Variants in DHRS9 observed in about 807,000 individuals in gnomAD.
The protein encoded by DHRS9 is dehydrogenase/reductase 9, also known as dehydrogenase/reductase SDR family member 9.
Under a neutral mutation model 26.6 loss-of-function variants are expected in DHRS9, and 18 were observed. The ratio of observed to expected loss-of-function variants is 0.68; its 90% confidence interval spans 0.47 to 1.00. The LOEUF is 1.00. Among genes scored for constraint, DHRS9 ranks in the 50% least tolerant of loss-of-function variants. DHRS9 has a pLI of 0.00. For synonymous variants in DHRS9, 134 were observed against 141.1 expected, an observed-to-expected ratio of 0.95 and a Z score of 0.36; for missense variants, 425 against 378.7, an observed-to-expected ratio of 1.12 and a Z score of -1.01.
At chr2:169,080,367 C>G (rs1684145267) in intron 1 of DHRS9, among the ~76,000 whole-genome samples, 1 of 152,234 alleles carries the variant, frequency 6.6e-6, no homozygotes, top group Admixed American at 6.5e-5. Flanking sequence ...AGACCTGCTC[C>G]TCTGTGGGGA....
chr2:169,095,862 T>C lies in DHRS9; in HGVS notation c.*95T>C. ...ACCCCATTCCTTATCTGCTCCAACCTGGACTCATTTAGATCGTGCTTATTT... is the reference window on the plus strand; with the variant it reads ...ACCCCATTCCTTATCTGCTCCAACCCGGACTCATTTAGATCGTGCTTATTT... On this transcript the variant is annotated 3_prime_UTR_variant, in exon 5 of 5. Transcript: ENST00000674881. 2 of 1,120,254 alleles carry C rather than the reference T, an allele frequency of 1.8e-6. No individual in the cohort carries two copies. Among genetic ancestry groups the C allele is most frequent in the Non-Finnish European group, 2.6e-6 (2 of 763,192 alleles). 69.4% of individuals were successfully genotyped at this position (1,120,254 alleles called of 1,614,324 possible). A position where few individuals can be genotyped will look rare whatever the true frequency, so the allele number is the denominator to read the frequency against.
chr2:169,070,834 G>A, intron 1 of DHRS9: 1 of 746,896 alleles, frequency 1.3e-6, no homozygotes, highest in Non-Finnish European at 1.6e-6. Context: ...GGAGGCCGAG[G>A]CCGGCGGATC....
chr2:169,092,331 C>A (rs912499774), intron 4 of DHRS9, among the ~76,000 whole-genome samples: 3 of 152,196 alleles, frequency 2.0e-5, no homozygotes, highest in Non-Finnish European at 4.4e-5. Flanking sequence ...CTTTGCCATA[C>A]CTCCTCTTTT....
At chr2:169,074,412 T>G (rs771693774) in intron 1 of DHRS9, 4 of 985,360 alleles carry the variant, frequency 4.1e-6, no homozygotes, top group Non-Finnish European at 4.8e-6. Context: ...TTAAGCAATT[T>G]GTTGTGCGAT....
rs1357937545 is a variant in DHRS9, at chr2:169,079,912, AGGGAGGGG to A, written c.-59-1609_-59-1602del. Among the ~76,000 whole-genome samples, 37 of 64,362 alleles carry A rather than the reference AGGGAGGGG, an allele frequency of 5.7e-4. 2 individuals carry two copies. The highest frequency in any genetic ancestry group is 3.1e-3 in the African/African-American group (34 of 11,076). The allele number at this position is 64,362 out of a possible 152,430, so 42.2% of individuals were successfully genotyped here. ...GAGAGAGAGAGGGAGGGAGGGAGGG[AGGGAGGGG>A]GAGAGAGAGAGAGAGAGAGAGAGAG... is the stretch of plus-strand genomic sequence containing the variant. On this transcript the variant is annotated intron_variant, in intron 1 of 4. Coordinates refer to ENST00000674881, the MANE Select transcript of DHRS9 (RefSeq NM_001376924.1).
chr2:169,086,205 T>G (rs968974113), intron 3 of DHRS9, among the ~76,000 whole-genome samples: 2 of 152,188 alleles, frequency 1.3e-5, no homozygotes, highest in African/African-American at 4.8e-5. Context: ...ACTGTGTGTT[T>G]TCAAATAGCC....
chr2:169,071,355 A>G (rs1683799689), intron 1 of DHRS9, among the ~76,000 whole-genome samples: 1 of 152,216 alleles, frequency 6.6e-6, no homozygotes, highest in African/African-American at 2.4e-5. Flanking sequence ...TAAACCTAGG[A>G]GGGACTTGGG....
At position 169,091,804 on chromosome 2, in the gene DHRS9, CT is replaced by C. The variant is rs1684536357; in HGVS notation, c.591del (p.Phe197LeufsTer21). ...FNDSLRRDMK[A>X]FGVHVSCIEP... ...TCTTTTCACAGACGGGACATGAAAG[CT>C]TTTGGTGTGCACGTCTCATGCATTG... On this transcript the variant is annotated frameshift_variant, in exon 4 of 5. Transcript: ENST00000674881. LOFTEE classifies it high-confidence loss of function. The C allele has an allele frequency of 3.1e-6, 5 of 1,611,384 alleles. No individual in the cohort carries two copies. The East Asian group carries it at 1.1e-4, about 36-fold the overall frequency.
At chr2:169,082,358 G>A (rs1256933518) in intron 2 of DHRS9, among the ~76,000 whole-genome samples, 1 of 152,174 alleles carries the variant, frequency 6.6e-6, no homozygotes, top group African/African-American at 2.4e-5. Context: ...ATTTGAGTAT[G>A]AGTGTCTTAC....
rs1045711913 is a variant in DHRS9, at chr2:169,095,878, G to C, written c.*111G>C. 9 of 986,682 alleles carry C rather than the reference G, an allele frequency of 9.1e-6. No homozygotes were observed. In the East Asian group the frequency reaches 2.4e-4, roughly 26 times the overall value. The allele number at this position is 986,682 out of a possible 1,614,324, so 61.1% of individuals were successfully genotyped here. On this transcript the variant is annotated 3_prime_UTR_variant, in exon 5 of 5. Coordinates refer to ENST00000674881, the MANE Select transcript of DHRS9 (RefSeq NM_001376924.1). ...GCTCCAACCTGGACTCATTTAGATC[G>C]TGCTTATTTGGATTGCAAAAGGGAG...
chr2:169,070,227 TG>T (rs1683757704), intron 1 of DHRS9: 1 of 985,390 alleles, frequency 1.0e-6, no homozygotes, highest in South Asian at 4.7e-5. Context: ...AAAAATGCCT[TG>T]TAGGTCATAA....
At position 169,079,896 on chromosome 2, in the gene DHRS9, AGG is replaced by A. The variant is rs1491241936; in HGVS notation, c.-59-1625_-59-1624del. On this transcript the variant is annotated intron_variant, in intron 1 of 4. Coordinates refer to ENST00000674881, the MANE Select transcript of DHRS9 (RefSeq NM_001376924.1). The stretch of plus-strand genomic sequence containing the variant: ...AAGAAAGAAAGAAAGAGAGAGAGAG[AGG>A]GAGGGAGGGAGGGAGGGAGGGGGAG... 3.7e-4 allele frequency among the ~76,000 whole-genome samples: 26 copies of A among 70,040 alleles called. 3 individuals carry two copies. Among genetic ancestry groups the A allele is most frequent in the African/African-American group, 6.9e-4 (8 of 11,580 alleles). 45.9% of individuals were successfully genotyped at this position (70,040 alleles called of 152,430 possible).
rs1684153279 is a variant in DHRS9, at chr2:169,080,625, T to TAAA, written c.-59-897_-59-896insAAA. Among the ~76,000 whole-genome samples the TAAA allele has an allele frequency of 2.0e-5, 3 of 152,360 alleles. No homozygotes were observed. In the South Asian group the frequency reaches 6.2e-4, roughly 32 times the overall value. ...TGAAGAAAAAGGAAAGAAAGCCCTC[T>TAAA]ACCTGCCTGATTTTAGGCCCTAGGC... On this transcript the variant is annotated intron_variant, in intron 1 of 4. Coordinates refer to ENST00000674881, the MANE Select transcript of DHRS9 (RefSeq NM_001376924.1).
chr2:169,088,123 G>A (rs537326821), intron 3 of DHRS9, among the ~76,000 whole-genome samples: 10 of 152,272 alleles, frequency 6.6e-5, no homozygotes, highest in South Asian at 2.1e-4. Flanking sequence ...CCCACAGCAC[G>A]TTAGCCCACA....
At chr2:169,075,908 C>G (rs1444916341) in intron 1 of DHRS9, among the ~76,000 whole-genome samples, 1 of 152,106 alleles carries the variant, frequency 6.6e-6, no homozygotes, top group African/African-American at 2.4e-5. Flanking sequence ...CGTCAGATTT[C>G]TCCACTATAA....
In DHRS9 at chr2:169,070,113, TTC is replaced by T. The variant is rs1683755063; in HGVS notation, c.-60+400_-60+401del. On this transcript the variant is annotated intron_variant, in intron 1 of 4. Coordinates refer to ENST00000674881, the MANE Select transcript of DHRS9 (RefSeq NM_001376924.1). Reference sequence around the variant, plus strand: ...ATGAGTTTCTTACTGAAGCAGCAGATTCTCTGTCAACTGCAGGTCTGATCTGT... The same window carrying T: ...ATGAGTTTCTTACTGAAGCAGCAGATTCTGTCAACTGCAGGTCTGATCTGT... 43 of 985,444 alleles carry T rather than the reference TTC, an allele frequency of 4.4e-5. 1 individual carries two copies. The South Asian group carries it at 1.7e-3, about 39-fold the overall frequency. The allele number at this position is 985,444 out of a possible 1,614,324, so 61.0% of individuals were successfully genotyped here. A position where few individuals can be genotyped will look rare whatever the true frequency, so the allele number is the denominator to read the frequency against.
At chr2:169,090,116 A>G (rs1016392677) in intron 3 of DHRS9, among the ~76,000 whole-genome samples, 2 of 152,214 alleles carry the variant, frequency 1.3e-5, no homozygotes, top group Non-Finnish European at 1.5e-5. Flanking sequence ...TGGAACTAGT[A>G]TTTTAAATGG....
intron 3 of DHRS9, among the ~76,000 whole-genome samples, chr2:169,087,993 A>G (rs1158694012): frequency 2.0e-5 from 3 of 152,138 alleles, no homozygotes; most frequent in Non-Finnish European, 2.9e-5. Context: ...CTGGCTGCCC[A>G]AGCTGGCATC....
chr2:169,094,538 TC>T (rs1684633796), intron 4 of DHRS9, among the ~76,000 whole-genome samples: 1 of 151,444 alleles, frequency 6.6e-6, no homozygotes, highest in African/African-American at 2.4e-5. Context: ...TATGTTTTCT[TC>T]TAGTAGTTTT....
Sources: allele counts gnomAD v4.1 joint callset (sites outside exome capture counted in the v4.1 genomes callset), GRCh38; gene constraint gnomAD v4.1.1; transcripts MANE v1.5; gene names NCBI Gene and HGNC (gene_info 2026-07-23, HGNC 2026-07-21).